The following CDH18 variants were observed in gnomAD, a reference collection of about 807,000 sequenced individuals.
The protein encoded by CDH18 is cadherin 18.
CDH18 carries 31 observed loss-of-function variants against 67.9 expected under a neutral mutation model. The observed-to-expected ratio is 0.46, with a 90% CI of 0.34 to 0.62. CDH18 has a LOEUF of 0.62. Ranked by LOEUF, CDH18 falls within the 20% of genes least tolerant of loss-of-function variation. The pLI, the probability that CDH18 is intolerant of heterozygous loss-of-function variation, is 0.01. For synonymous variants in CDH18, 362 were observed against 347.2 expected (o/e 1.04, Z -0.48); for missense variants, 890 against 975.5 (o/e 0.91, Z 1.17).
rs575371732 is a variant in CDH18 at position 20,459,973 on chromosome 5, C to G, written c.-580+115489G>C. 4.6e-5 allele frequency among the ~76,000 whole-genome samples: 7 copies of G among 152,220 alleles called. No individual in the cohort carries two copies. In the South Asian group the frequency reaches 1.5e-3, roughly 32 times the overall value. On this transcript the variant is annotated intron_variant, in intron 1 of 14. Coordinates refer to the CDH18 transcript ENST00000507958. ...AATAGATTCTCTCCTTCACTTATAT[C>G]CCAGAAGGGAGGCAGGGAAAACCTC...
intron 2 of CDH18, among the ~76,000 whole-genome samples, chr5:20,049,778 T>C (rs1741250240): frequency 6.6e-6 from 1 of 151,692 alleles, no homozygotes; most frequent in Non-Finnish European, 1.5e-5. Context: ...AAAATTGACA[T>C]TGTAATAGGG....
intron 1 of CDH18, among the ~76,000 whole-genome samples, chr5:20,288,250 T>G (rs1006344124): frequency 1.3e-5 from 2 of 151,738 alleles, no homozygotes; most frequent in Admixed American, 1.3e-4. Flanking sequence ...TTAACTCTAA[T>G]AGAAATCATT....
intron 1 of CDH18, among the ~76,000 whole-genome samples, chr5:20,259,313 G>A (rs982404249): frequency 6.6e-5 from 10 of 152,082 alleles, no homozygotes; most frequent in African/African-American, 1.9e-4. Flanking sequence ...ATGTACTGTC[G>A]TTATGCACCA....
chr5:20,086,665 A>G (rs1014151950), intron 2 of CDH18, among the ~76,000 whole-genome samples: 1 of 151,994 alleles, frequency 6.6e-6, no homozygotes, highest in East Asian at 1.9e-4. Flanking sequence ...TCTGTACTCT[A>G]TAAATAAAAC....
At chr5:20,535,295 T>C (rs1318586664) in intron 1 of CDH18, among the ~76,000 whole-genome samples, 3 of 152,092 alleles carry the variant, frequency 2.0e-5, no homozygotes, top group African/African-American at 4.8e-5. Flanking sequence ...CCTTGGCTCA[T>C]AGCCACCTTG....
chr5:20,210,780 A>G (rs1053127507), intron 2 of CDH18, among the ~76,000 whole-genome samples: 2 of 152,012 alleles, frequency 1.3e-5, no homozygotes, highest in African/African-American at 4.8e-5. Flanking sequence ...AGTGTCTTAT[A>G]ATAGTTCATA....
intron 2 of CDH18, among the ~76,000 whole-genome samples, chr5:20,241,667 T>C (rs886206916): frequency 2.0e-5 from 3 of 151,628 alleles, no homozygotes; most frequent in Admixed American, 1.3e-4. Context: ...CTGGCTAATA[T>C]GGTGAAACCC....
At chr5:19,895,052 C>T (rs1789164088) in intron 2 of CDH18, among the ~76,000 whole-genome samples, 2 of 152,202 alleles carry the variant, frequency 1.3e-5, no homozygotes, top group Admixed American at 6.5e-5. Context: ...GATCTAAATG[C>T]TCACTTGAAC....
At chr5:19,511,365 T>A (rs347702) in intron 10 of CDH18, among the ~76,000 whole-genome samples, 30,557 of 152,022 alleles carry the variant, frequency 0.2, 3,370 homozygotes, top group African/African-American at 0.27. Flanking sequence ...GGGACACTGA[T>A]ACAAAGATAC....
chr5:19,838,515 T>C (rs962418182), intron 3 of CDH18, among the ~76,000 whole-genome samples: 3 of 152,208 alleles, frequency 2.0e-5, no homozygotes, highest in African/African-American at 7.2e-5. Context: ...ATATGCTTGT[T>C]ATGAATATGC....
intron 2 of CDH18, among the ~76,000 whole-genome samples, chr5:19,898,501 T>A (rs1179547257): frequency 6.6e-6 from 1 of 152,018 alleles, no homozygotes; most frequent in Non-Finnish European, 1.5e-5. Flanking sequence ...CTCTGCTTAT[T>A]GAAAATTTAG....
chr5:20,222,202 A>G (rs918327864), intron 2 of CDH18, among the ~76,000 whole-genome samples: 1 of 152,186 alleles, frequency 6.6e-6, no homozygotes, highest in Non-Finnish European at 1.5e-5. Flanking sequence ...ACATGAAAAG[A>G]ATGAAGATAG....
chr5:20,419,462 GTTTTTTTTTTTTTTTTTTTTT>G (rs202130030), intron 1 of CDH18, among the ~76,000 whole-genome samples: 3 of 75,646 alleles, frequency 4.0e-5, no homozygotes, highest in Non-Finnish European at 7.7e-5. Context: ...ATGGGACTCT[GTTTTTTTTTTTTTTTTTTTTT>G]TTTTTTTTTT....
chr5:19,799,444 A>G, intron 3 of CDH18, among the ~76,000 whole-genome samples: 1 of 150,392 alleles, frequency 6.6e-6, no homozygotes, highest in East Asian at 2.0e-4. Context: ...CAACACACAC[A>G]CACACACACA....
intron 1 of CDH18, among the ~76,000 whole-genome samples, chr5:20,349,417 C>T (rs369425401): frequency 5.5e-4 from 84 of 152,148 alleles, no homozygotes; most frequent in African/African-American, 2.0e-3. Flanking sequence ...TGCCTCTAAT[C>T]TTCAGAATAC....
At chr5:19,622,010 A>G (rs772002279) in intron 5 of CDH18, among the ~76,000 whole-genome samples, 1 of 152,104 alleles carries the variant, frequency 6.6e-6, no homozygotes, top group African/African-American at 2.4e-5. Flanking sequence ...TTGTCTTAAT[A>G]ATTGTTGTTT....
rs142666563 is a variant in CDH18 at position 19,593,252 on chromosome 5, T to A, written c.812-2008A>T. Reference sequence around the variant, plus strand: ...TGAGGAATCTTTATACTATATTCTGTAGACGCTACACAAGTTCACATTTCT... The same window carrying A: ...TGAGGAATCTTTATACTATATTCTGAAGACGCTACACAAGTTCACATTTCT... On this transcript the variant is annotated intron_variant, in intron 6 of 12. Coordinates refer to ENST00000382275, the MANE Select transcript of CDH18 (RefSeq NM_004934.5). Among the ~76,000 whole-genome samples the A allele has an allele frequency of 7.9e-5, 12 of 152,282 alleles. No homozygotes were observed. In the East Asian group the frequency reaches 2.1e-3, roughly 27 times the overall value.
chr5:20,286,973 CT>C (rs34779499), intron 1 of CDH18, among the ~76,000 whole-genome samples: 4 of 151,644 alleles, frequency 2.6e-5, no homozygotes, highest in Non-Finnish European at 4.4e-5. Context: ...TTTTGAGTAC[CT>C]TTTTTTCCTC....
intron 1 of CDH18, among the ~76,000 whole-genome samples, chr5:20,351,316 C>A (rs906053256): frequency 2.0e-5 from 3 of 151,022 alleles, no homozygotes; most frequent in African/African-American, 7.3e-5. Flanking sequence ...AGTACAGATT[C>A]AATAACTATT....
Sources: allele counts gnomAD v4.1 joint callset (sites outside exome capture counted in the v4.1 genomes callset), GRCh38; gene constraint gnomAD v4.1.1; transcripts MANE v1.5; gene names NCBI Gene and HGNC (gene_info 2026-07-23, HGNC 2026-07-21).